STX18: variants seen among roughly 807,000 people sequenced by gnomAD.
STX18 encodes syntaxin 18.
Under a neutral mutation model 50.1 loss-of-function variants are expected in STX18, and 40 were observed. The ratio of observed to expected loss-of-function variants is 0.80; its 90% confidence interval spans 0.62 to 1.04. The LOEUF is 1.04. Among genes scored for constraint, STX18 ranks in the 50% least tolerant of loss-of-function variants. The pLI is 0.00. For missense variants in STX18, 410 were observed against 415.8 expected, an observed-to-expected ratio of 0.99 and a Z score of 0.12; for synonymous variants, 158 against 151.8, an observed-to-expected ratio of 1.04 and a Z score of -0.30.
chr4:4,503,090 C>T (rs1281135663), intron 1 of STX18, among the ~76,000 whole-genome samples: 4 of 152,096 alleles, frequency 2.6e-5, no homozygotes, highest in Non-Finnish European at 5.9e-5. Flanking sequence ...ACTGAGTTGT[C>T]GTCTGGCAGG....
At chr4:4,530,816 A>G (rs1731057309) in intron 1 of STX18, among the ~76,000 whole-genome samples, 1 of 152,100 alleles carries the variant, frequency 6.6e-6, no homozygotes, top group African/African-American at 2.4e-5. Flanking sequence ...CATGTTGCCC[A>G]GGCTGGTCTT....
At chr4:4,423,195 G>T (rs985195192) in intron 9 of STX18, among the ~76,000 whole-genome samples, 3 of 152,196 alleles carry the variant, frequency 2.0e-5, no homozygotes, top group Non-Finnish European at 4.4e-5. Flanking sequence ...TGTAGCTTGT[G>T]GGGGCTACCT....
intron 5 of STX18, among the ~76,000 whole-genome samples, chr4:4,441,407 C>T (rs922629949): frequency 3.3e-5 from 5 of 152,206 alleles, no homozygotes; most frequent in African/African-American, 1.2e-4. Flanking sequence ...ATATTCACCA[C>T]AAAACTGCTT....
At chr4:4,421,728 A>C (rs1053500035) in intron 9 of STX18, among the ~76,000 whole-genome samples, 4 of 152,224 alleles carry the variant, frequency 2.6e-5, no homozygotes, top group African/African-American at 9.6e-5. Context: ...TAAGCTTTAA[A>C]ATGTATGTGC....
At position 4,541,670 on chromosome 4, in the gene STX18, C is replaced by T. The variant is rs574265651; in HGVS notation, c.168+127G>A. On this transcript the variant is annotated intron_variant, in intron 1 of 10. Coordinates refer to ENST00000306200, the MANE Select transcript of STX18 (RefSeq NM_016930.4). ...AGCTGTAGGGTCTCTGAGGCCAACT[C>T]TTCTGTCCCCCTTAGAGCCACCCCC... is the stretch of plus-strand genomic sequence containing the variant. 63 of 1,087,694 alleles carry T rather than the reference C, an allele frequency of 5.8e-5. 2 individuals carry two copies. The South Asian group carries it at 1.1e-3, about 19-fold the overall frequency. 67.4% of individuals were successfully genotyped at this position (1,087,694 alleles called of 1,614,324 possible).
intron 1 of STX18, among the ~76,000 whole-genome samples, chr4:4,504,891 A>G (rs780639448): frequency 1.1e-4 from 16 of 146,788 alleles, no homozygotes; most frequent in Non-Finnish European, 2.2e-4. Context: ...GAAAATAAGT[A>G]GCTGTTTAAA....
chr4:4,500,753 TGGCCA>T (rs2108877635), intron 1 of STX18, among the ~76,000 whole-genome samples: 1 of 152,338 alleles, frequency 6.6e-6, no homozygotes, highest in South Asian at 2.1e-4. Flanking sequence ...TACCATAATT[TGGCCA>T]GGCACGGTGG....
At chr4:4,453,691 A>AT (rs932500817) in intron 5 of STX18, 127 of 982,276 alleles carry the variant, frequency 1.3e-4, no homozygotes, top group Non-Finnish European at 1.5e-4. Context: ...GAAAGAAGAT[A>AT]TTTTTGATAT....
chr4:4,515,819 A>T (rs530977786), intron 1 of STX18, among the ~76,000 whole-genome samples: 1 of 152,292 alleles, frequency 6.6e-6, no homozygotes, highest in African/African-American at 2.4e-5. Flanking sequence ...AATACTACTC[A>T]CTGGTAAAAT....
At chr4:4,539,313 T>C (rs1354468801) in intron 1 of STX18, among the ~76,000 whole-genome samples, 1 of 152,198 alleles carries the variant, frequency 6.6e-6, no homozygotes, top group Non-Finnish European at 1.5e-5. Context: ...AATTAGAATA[T>C]GTGCTTCTGG....
chr4:4,442,823 C>T (rs1352455800), intron 5 of STX18, among the ~76,000 whole-genome samples: 1 of 131,628 alleles, frequency 7.6e-6, no homozygotes, highest in Non-Finnish European at 1.7e-5. Context: ...AAAAAAAAAG[C>T]CCCACCATAG....
chr4:4,492,644 T>A (rs1728992242), intron 1 of STX18, among the ~76,000 whole-genome samples: 1 of 152,308 alleles, frequency 6.6e-6, no homozygotes, highest in African/African-American at 2.4e-5. Flanking sequence ...AATTTCATTT[T>A]GTGATGACTA....
intron 9 of STX18, among the ~76,000 whole-genome samples, chr4:4,421,833 G>C (rs1173337391): frequency 6.6e-6 from 1 of 152,178 alleles, no homozygotes; most frequent in Admixed American, 6.5e-5. Context: ...AATCAAAATA[G>C]GATGCAGGAT....
chr4:4,461,438 T>C (rs909737773), intron 2 of STX18, among the ~76,000 whole-genome samples: 1 of 152,166 alleles, frequency 6.6e-6, no homozygotes, highest in Non-Finnish European at 1.5e-5. Flanking sequence ...AATGTCATTA[T>C]TAAAAAAAAA....
chr4:4,434,666 A>G, intron 7 of STX18, 104 bp downstream of exon 7: 1 of 837,818 alleles, frequency 1.2e-6, no homozygotes, highest in Non-Finnish European at 1.8e-6. Context: ...TTTAAAACTC[A>G]GTATAAAAAT....
chr4:4,540,641 G>A (rs1433670452), intron 1 of STX18, among the ~76,000 whole-genome samples: 10 of 152,252 alleles, frequency 6.6e-5, no homozygotes, highest in East Asian at 1.9e-4. Flanking sequence ...GTCTATGTCC[G>A]TCTACTCCAC....
intron 1 of STX18, among the ~76,000 whole-genome samples, chr4:4,522,841 G>A (rs1424100425): frequency 1.3e-5 from 2 of 152,188 alleles, no homozygotes; most frequent in Admixed American, 6.5e-5. Context: ...GGAACTAGCA[G>A]AGTTTCCAGA....
chr4:4,430,445 A>G (rs1366791929), intron 7 of STX18, among the ~76,000 whole-genome samples: 1 of 152,270 alleles, frequency 6.6e-6, no homozygotes, highest in African/African-American at 2.4e-5. Flanking sequence ...GACATTAAAT[A>G]GCCTGTCATA....
intron 1 of STX18, among the ~76,000 whole-genome samples, chr4:4,494,056 C>T (rs1212431064): frequency 6.6e-6 from 1 of 152,140 alleles, no homozygotes; most frequent in East Asian, 1.9e-4. Flanking sequence ...AGGATTTTAT[C>T]TCAAAGTCTT....
Sources: gnomAD v4.1 joint callset for allele counts (sites outside exome capture counted in the v4.1 genomes callset) on GRCh38, gnomAD v4.1.1 for gene constraint, MANE v1.5 for transcripts, NCBI Gene and HGNC (gene_info 2026-07-23, HGNC 2026-07-21) for gene names.